The following AKR1D1 variants were observed in gnomAD, a reference collection of about 807,000 sequenced individuals.
AKR1D1 encodes the protein delta(4)-3-ketosteroid 5-beta-reductase.
AKR1D1 carries 32 observed loss-of-function variants against 42.6 expected under a neutral mutation model. The observed-to-expected ratio is 0.75, with a 90% confidence interval of 0.57 to 1.01. The LOEUF (loss-of-function observed/expected upper bound fraction) is 1.01. Among genes scored for constraint, AKR1D1 ranks in the 50% least tolerant of loss-of-function variants. The pLI, the probability that AKR1D1 is intolerant of heterozygous loss-of-function variation, is 0.00. For synonymous variants in AKR1D1, 123 were observed against 135.5 expected (o/e 0.91, Z 0.64); for missense variants, 364 against 402.2 (o/e 0.91, Z 0.81).
intron 8 of AKR1D1, among the ~76,000 whole-genome samples, chr7:138,116,092 T>G (rs1228239889): frequency 4.6e-5 from 7 of 151,996 alleles, no homozygotes; most frequent in Non-Finnish European, 8.8e-5. Flanking sequence ...GCAGGAGGCT[T>G]GCTTGGGAGC....
intron 7 of AKR1D1, among the ~76,000 whole-genome samples, chr7:138,109,012 A>T (rs1190153174): frequency 6.6e-6 from 1 of 152,204 alleles, no homozygotes; most frequent in Non-Finnish European, 1.5e-5. Flanking sequence ...ACATATATAC[A>T]TGGGTGCACA....
chr7:138,101,191 C>CCTT (rs1365842554), intron 4 of AKR1D1, among the ~76,000 whole-genome samples: 4,446 of 20,438 alleles, frequency 0.22, 258 homozygotes, highest in East Asian at 0.4. Flanking sequence ...CTCCCTCCCT[C>CCTT]CCTTCCTTCC....
rs367883938 is a variant in AKR1D1 at position 138,106,722 on chromosome 7, G to A, written c.689+5G>A. ...GACCAGTAGGAATCCAATCTGGTAA[G>A]TAAAACTTTAGGAAGCATTTCCTTT... is the stretch of plus-strand genomic sequence containing the variant. On this transcript the variant is annotated splice_donor_5th_base_variant and intron_variant, in intron 6 of 8. Coordinates refer to ENST00000242375, the MANE Select transcript of AKR1D1 (RefSeq NM_005989.4). The A allele has an allele frequency of 2.9e-5, 46 of 1,587,896 alleles. No individual in the cohort carries two copies. Among genetic ancestry groups the A allele is most frequent in the Admixed American group, 2.7e-4 (16 of 59,966 alleles).
Position 138,106,737 on chromosome 7 carries a change from G to A in AKR1D1, c.689+20G>A, listed in dbSNP as rs1243517860. 3.2e-6 allele frequency: 5 copies of A among 1,555,806 alleles called. No individual in the cohort carries two copies. In the South Asian group the frequency reaches 4.5e-5, roughly 14 times the overall value. Reference sequence around the variant, plus strand: ...AATCTGGTAAGTAAAACTTTAGGAAGCATTTCCTTTGGTGTAGAGTGTGAG... The same window carrying A: ...AATCTGGTAAGTAAAACTTTAGGAAACATTTCCTTTGGTGTAGAGTGTGAG... On this transcript the variant is annotated intron_variant, in intron 6 of 8. Transcript: ENST00000242375.
At chr7:138,110,323 G>A (rs1483564093) in intron 7 of AKR1D1, among the ~76,000 whole-genome samples, 4 of 152,182 alleles carry the variant, frequency 2.6e-5, no homozygotes, top group African/African-American at 9.7e-5. Context: ...TTAAGACTGG[G>A]CACAGTGGTT....
intron 7 of AKR1D1, among the ~76,000 whole-genome samples, chr7:138,111,096 G>T (rs11982192): frequency 0.79 from 120,562 of 152,090 alleles, 48,091 homozygotes; most frequent in African/African-American, 0.86. Flanking sequence ...CCCATGCCTA[G>T]CCCTTGGAAA....
chr7:138,104,682 GA>G (rs35063839), intron 4 of AKR1D1, among the ~76,000 whole-genome samples: 2,692 of 131,910 alleles, frequency 0.02, 102 homozygotes, highest in African/African-American at 0.071. Context: ...CTCCATCTCG[GA>G]AAAAAAAAAA....
intron 7 of AKR1D1, among the ~76,000 whole-genome samples, chr7:138,111,482 G>T: frequency 6.6e-6 from 1 of 152,084 alleles, no homozygotes; most frequent in Admixed American, 6.6e-5. Context: ...TGTCCCACTT[G>T]GTCTTTCAAC....
chr7:138,110,036 A>AG (rs145840574), intron 7 of AKR1D1, among the ~76,000 whole-genome samples: 6,006 of 152,238 alleles, frequency 0.039, 154 homozygotes, highest in African/African-American at 0.064. Flanking sequence ...CAAGAAAAAA[A>AG]CGGATACAGA....
At chr7:138,110,572 G>A (rs569645185) in intron 7 of AKR1D1, among the ~76,000 whole-genome samples, 4 of 152,130 alleles carry the variant, frequency 2.6e-5, no homozygotes, top group African/African-American at 9.6e-5. Context: ...GGCCAACATG[G>A]CAAAACCCCA....
rs114329196 is a variant in AKR1D1 at position 138,083,253 on chromosome 7, G to A, written c.94-5348G>A. Among the ~76,000 whole-genome samples, 796 of 152,274 alleles carry A rather than the reference G, an allele frequency of 5.2e-3. 8 individuals carry two copies. Among genetic ancestry groups the A allele is most frequent in the African/African-American group, 0.018 (748 of 41,550 alleles). Reference sequence around the variant, plus strand: ...ATAGTCATCCTAATGGGTGTGAGGTGTTATTTCATTGTAGTTTTGATTTGC... The same window carrying A: ...ATAGTCATCCTAATGGGTGTGAGGTATTATTTCATTGTAGTTTTGATTTGC... On this transcript the variant is annotated intron_variant, in intron 1 of 8. Transcript: ENST00000242375.
intron 2 of AKR1D1, 137 bp downstream of exon 2, chr7:138,088,905 T>C (rs1337580939): frequency 2.2e-6 from 2 of 902,922 alleles, no homozygotes; most frequent in Non-Finnish European, 3.3e-6. Flanking sequence ...TGGGTTTGTT[T>C]GTTTGTTTGT....
At chr7:138,087,250 C>T (rs1758197293) in intron 1 of AKR1D1, among the ~76,000 whole-genome samples, 1 of 152,216 alleles carries the variant, frequency 6.6e-6, no homozygotes, top group East Asian at 1.9e-4. Context: ...AGCACCCACT[C>T]TCACAAGCCC....
chr7:138,112,168 A>G (rs770042342), intron 7 of AKR1D1, among the ~76,000 whole-genome samples: 5 of 152,206 alleles, frequency 3.3e-5, no homozygotes, highest in Non-Finnish European at 5.9e-5. Context: ...ATTATTCCAT[A>G]TATTTACTGG....
At chr7:138,081,763 G>T (rs1394956722) in intron 1 of AKR1D1, among the ~76,000 whole-genome samples, 1 of 151,944 alleles carries the variant, frequency 6.6e-6, no homozygotes, top group Non-Finnish European at 1.5e-5. Flanking sequence ...TGTATTTTTA[G>T]TAGAGACGGG....
intron 1 of AKR1D1, among the ~76,000 whole-genome samples, chr7:138,081,926 A>G (rs188231705): frequency 7.9e-5 from 12 of 152,252 alleles, no homozygotes; most frequent in African/African-American, 2.4e-4. Flanking sequence ...TTCTAACATG[A>G]CTCCATGGCT....
chr7:138,099,908 G>A (rs1344727245), intron 4 of AKR1D1, among the ~76,000 whole-genome samples: 1 of 146,470 alleles, frequency 6.8e-6, no homozygotes, highest in Non-Finnish European at 1.5e-5. Context: ...AAGGGACCAT[G>A]GAGCACAAAA....
At chr7:138,092,925 G>C (rs1394919158) in intron 3 of AKR1D1, among the ~76,000 whole-genome samples, 2 of 152,080 alleles carry the variant, frequency 1.3e-5, no homozygotes, top group Non-Finnish European at 2.9e-5. Context: ...TGCACACTTA[G>C]GGTACACAAT....
chr7:138,087,796 A>G (rs895916077), intron 1 of AKR1D1, among the ~76,000 whole-genome samples: 1 of 152,136 alleles, frequency 6.6e-6, no homozygotes, highest in African/African-American at 2.4e-5. Flanking sequence ...GAGAAAAACT[A>G]AAGTATTTAT....
Sources: gnomAD v4.1 joint callset for allele counts (sites outside exome capture counted in the v4.1 genomes callset) on GRCh38, gnomAD v4.1.1 for gene constraint, MANE v1.5 for transcripts, NCBI Gene and HGNC (gene_info 2026-07-23, HGNC 2026-07-21) for gene names.